Variants in DSCAML1 observed in about 807,000 individuals in gnomAD.
DSCAML1 encodes the protein DS cell adhesion molecule like 1.
DSCAML1 carries 38 observed loss-of-function variants against 200.5 expected under a neutral mutation model. That is an observed-to-expected ratio of 0.19 (90% CI 0.15 to 0.25). The LOEUF (loss-of-function observed/expected upper bound fraction) is 0.25. DSCAML1 is among the 10% of genes least tolerant of loss of function. The pLI is 1.00. For missense variants in DSCAML1, 2,223 were observed against 2,858.8 expected (o/e 0.78, Z 5.07); for synonymous variants, 1,215 against 1,165.0 (o/e 1.04, Z -0.87).
rs193250369 is a variant in DSCAML1 at position 117,481,689 on chromosome 11, G to C, written c.2559+274C>G. On this transcript the variant is annotated intron_variant, in intron 12 of 32. Transcript: ENST00000651296. The stretch of plus-strand genomic sequence containing the variant: ...GGAGGGGCTGAGGGGTCCCAAAAGG[G>C]AGAATGGAGCCCTGGGGGTTCCAGA... 4.2e-3 allele frequency among the ~76,000 whole-genome samples: 635 copies of C among 152,072 alleles called. 7 individuals are homozygous for C. The highest frequency in any genetic ancestry group is 0.015 in the African/African-American group (612 of 41,420).
Position 117,780,300 on chromosome 11 carries a change from GAAAGAGA to G in DSCAML1, c.364+186_364+192del, listed in dbSNP as rs2055227491. 8.9e-6 allele frequency among the ~76,000 whole-genome samples: 1 copy of G among 111,956 alleles called. No individual in the cohort carries two copies. The highest frequency in any genetic ancestry group is 9.1e-5 in the Admixed American group (1 of 11,048). 73.4% of individuals were successfully genotyped at this position (111,956 alleles called of 152,430 possible). On this transcript the variant is annotated intron_variant, in intron 2 of 32. Coordinates refer to ENST00000651296, the MANE Select transcript of DSCAML1 (RefSeq NM_020693.4). This position sits in a 1 kb window ranked among gnomAD's most constrained non-coding sequence, Gnocchi z 4.8. The stretch of plus-strand genomic sequence containing the variant: ...AGAAAGAAAGAAAGAAAGAAAGAAA[GAAAGAGA>G]GAAAGGAGAAAGAAAGGTGTCTCTT...
chr11:117,528,105 G>A (rs1256009079), intron 4 of DSCAML1, among the ~76,000 whole-genome samples: 1 of 152,140 alleles, frequency 6.6e-6, no homozygotes, highest in Non-Finnish European at 1.5e-5. Flanking sequence ...CTGCAGATGC[G>A]TGGGACAATT....
At chr11:117,431,824 A>G in intron 30 of DSCAML1, 96 bp from the exon 31 acceptor site, 5 of 1,251,806 alleles carry the variant, frequency 4.0e-6, no homozygotes, top group Non-Finnish European at 4.3e-6. Flanking sequence ...GGAGCAAGGG[A>G]AGAGGCAGAT....
In DSCAML1 at chr11:117,444,017, C is replaced by A. The variant is rs750013999; in HGVS notation, c.3731G>T (p.Ser1244Ile). The change falls in exon 21 of 33, where the codon AGT becomes ATT. Residue 1244 changes from serine to isoleucine, a missense_variant. Ser to Ile is a moderately radical substitution (Grantham distance 142). Coordinates refer to ENST00000651296, the MANE Select transcript of DSCAML1 (RefSeq NM_020693.4). ...GQPAPSEYET[S>I]PEQLFYRIAH... The stretch of plus-strand genomic sequence containing the variant: ...GATCCGGTAGAAGAGCTGCTCTGGA[C>A]TCGTCTCGTACTCGCTGGGAGCCTG... 5.0e-6 allele frequency: 8 copies of A among 1,613,288 alleles called. No individual in the cohort carries two copies. Among genetic ancestry groups the A allele is most frequent in the East Asian group, 2.2e-5 (1 of 44,870 alleles).
At chr11:117,687,456 GGGTCTCGCTATTTTGCCCAGGCT>G (rs2137710566) in intron 3 of DSCAML1, among the ~76,000 whole-genome samples, 1 of 109,152 alleles carries the variant, frequency 9.2e-6, no homozygotes, top group East Asian at 2.5e-4. Context: ...TTTAGAGATG[GGGTCTCGCTATTTTGCCCAGGCT>G]GGTCTCAAAC....
intron 3 of DSCAML1, among the ~76,000 whole-genome samples, chr11:117,545,663 C>A (rs2050360446): frequency 6.6e-6 from 1 of 152,144 alleles, no homozygotes; most frequent in South Asian, 2.1e-4. Flanking sequence ...GGAAGAAAGA[C>A]TGAGTCTAAG....
At chr11:117,513,032 C>T (rs2049675463) in intron 8 of DSCAML1, among the ~76,000 whole-genome samples, 1 of 152,220 alleles carries the variant, frequency 6.6e-6, no homozygotes, top group Non-Finnish European at 1.5e-5. Context: ...TTTAAGCCAA[C>T]AAACCCGACC....
chr11:117,489,698 T>C lies in DSCAML1; in HGVS notation c.2360-7536A>G, dbSNP rs951703860. Among the ~76,000 whole-genome samples the C allele has an allele frequency of 6.6e-6, 1 of 152,124 alleles. No homozygotes were observed. The highest frequency in any genetic ancestry group is 2.4e-5 in the African/African-American group (1 of 41,440). On this transcript the variant is annotated intron_variant, in intron 11 of 32. Coordinates refer to ENST00000651296, the MANE Select transcript of DSCAML1 (RefSeq NM_020693.4). The surrounding 1 kb of genome is among the most constrained non-coding windows in gnomAD (Gnocchi z 4.8). ...AGTGCCTGGCACTGTGATGACCAAA[T>C]TGGGGCATACTCTGGTGGAGGCCAA...
intron 3 of DSCAML1, among the ~76,000 whole-genome samples, chr11:117,586,721 C>A (rs958567664): frequency 6.6e-6 from 1 of 152,192 alleles, no homozygotes; most frequent in Non-Finnish European, 1.5e-5. Flanking sequence ...GCAGGGAGAG[C>A]CTTCAGGACT....
chr11:117,560,122 G>T (rs1255404542), intron 3 of DSCAML1, among the ~76,000 whole-genome samples: 1 of 152,084 alleles, frequency 6.6e-6, no homozygotes, highest in African/African-American at 2.4e-5. Flanking sequence ...GGGCCACTTT[G>T]ACCAGGGACA....
intron 3 of DSCAML1, among the ~76,000 whole-genome samples, chr11:117,643,343 G>T (rs548922788): frequency 6.6e-6 from 1 of 152,308 alleles, no homozygotes; most frequent in African/African-American, 2.4e-5. Context: ...GTGTGTTTGT[G>T]TGTGTATGTG....
chr11:117,812,183 C>T (rs1377062845), intron 1 of DSCAML1, among the ~76,000 whole-genome samples: 3 of 152,166 alleles, frequency 2.0e-5, no homozygotes, highest in African/African-American at 7.2e-5. Context: ...ACCTCTACTC[C>T]CTCCTTGGCG....
chr11:117,487,636 C>A (rs4938391), intron 11 of DSCAML1, among the ~76,000 whole-genome samples: 18,044 of 152,160 alleles, frequency 0.12, 1,200 homozygotes, highest in South Asian at 0.19. Flanking sequence ...TTATCTGTTC[C>A]TAACATTAAC....
chr11:117,783,305 A>C (rs1435163221), intron 1 of DSCAML1, among the ~76,000 whole-genome samples: 2 of 152,194 alleles, frequency 1.3e-5, no homozygotes, highest in African/African-American at 4.8e-5. Flanking sequence ...ACAGTACAGA[A>C]AGACTCTACA....
At position 117,731,943 on chromosome 11, in the gene DSCAML1, C is replaced by T. The variant is rs551268588; in HGVS notation, c.511+44848G>A. Among the ~76,000 whole-genome samples the T allele has an allele frequency of 2.0e-4, 31 of 152,286 alleles. 1 individual carries two copies. The South Asian group carries it at 6.2e-3, about 31-fold the overall frequency. ...AGCATGGGTGTCTCAGCATGGTCCACGCAAGATCAGGCTGGACAGAGGGCC... is the reference window on the plus strand; with the variant it reads ...AGCATGGGTGTCTCAGCATGGTCCATGCAAGATCAGGCTGGACAGAGGGCC... On this transcript the variant is annotated intron_variant, in intron 3 of 32. Transcript: ENST00000651296.
Position 117,439,922 on chromosome 11 carries a change from T to A in DSCAML1, c.3877A>T (p.Ile1293Phe). The A allele has an allele frequency of 6.2e-7, 1 of 1,614,110 alleles. No individual in the cohort carries two copies. The highest frequency in any genetic ancestry group is 8.5e-7 in the Non-Finnish European group (1 of 1,179,980). Residue 1293 changes from isoleucine to phenylalanine, a missense_variant, in exon 22 of 33, where the codon ATC becomes TTC. By Grantham distance (21) the Ile-to-Phe change is conservative (BLOSUM62 0). Coordinates refer to ENST00000651296, the MANE Select transcript of DSCAML1 (RefSeq NM_020693.4). ...EPAGKAPAKI[I>F]SFGGTVTTPW... ...GTTGTCACGGTGCCCCCAAAGGAGATGATCTTTGCTGGGGCTACAGGGAGG... is the reference window on the plus strand; with the variant it reads ...GTTGTCACGGTGCCCCCAAAGGAGAAGATCTTTGCTGGGGCTACAGGGAGG...
At chr11:117,475,046 C>T (rs900624685) in intron 14 of DSCAML1, among the ~76,000 whole-genome samples, 8 of 152,120 alleles carry the variant, frequency 5.3e-5, no homozygotes, top group Non-Finnish European at 1.2e-4. Context: ...TGAGTCACCG[C>T]GCCTGGCCTC....
At chr11:117,817,019 G>A (rs1384018567) in intron 1 of DSCAML1, among the ~76,000 whole-genome samples, 2 of 152,222 alleles carry the variant, frequency 1.3e-5, no homozygotes, top group Non-Finnish European at 1.5e-5. Flanking sequence ...TGCCCACAGG[G>A]CTCTTTCTCT....
At chr11:117,521,006 A>G (rs2049875938) in intron 6 of DSCAML1, 124 bp downstream of exon 6, 2 of 1,288,916 alleles carry the variant, frequency 1.6e-6, no homozygotes, top group Non-Finnish European at 2.1e-6. Context: ...GAGATGGTGC[A>G]CCGGCCTGGT....
Sources: allele counts gnomAD v4.1 joint callset (sites outside exome capture counted in the v4.1 genomes callset), GRCh38; gene constraint gnomAD v4.1.1; non-coding constraint Gnocchi (gnomAD v3.1); transcripts MANE v1.5; gene names NCBI Gene and HGNC (gene_info 2026-07-23, HGNC 2026-07-21).